ZNF133: variants seen among roughly 807,000 people sequenced by gnomAD.
The protein encoded by ZNF133 is zinc finger protein 133, also known as zinc finger protein 133 (clone pHZ-13).
Under a neutral mutation model 54.9 loss-of-function variants are expected in ZNF133, and 26 were observed. That is an observed-to-expected ratio of 0.47 (90% CI 0.35 to 0.66). The LOEUF is 0.66. Among genes scored for constraint, ZNF133 ranks in the 30% least tolerant of loss-of-function variants. The pLI, the probability that ZNF133 is intolerant of heterozygous loss-of-function variation, is 0.01. For missense variants in ZNF133, 653 were observed against 820.8 expected, an observed-to-expected ratio of 0.80 and a Z score of 2.50; for synonymous variants, 298 against 320.3, an observed-to-expected ratio of 0.93 and a Z score of 0.74.
intron 6 of ZNF133, chr20:18,306,953 A>G (rs2044765712): frequency 5.8e-6 from 1 of 173,870 alleles, no homozygotes; most frequent in Non-Finnish European, 1.1e-5. Flanking sequence ...CCCATGCTCT[A>G]AGGGAGTACA....
Position 18,305,595 on chromosome 20 carries a change from C to A in ZNF133, c.-6-86C>A. ...TGGGATCTTGATATCTCACCTGCCT[C>A]CCCCAGGGCAGCCTTATCCCTGCCC... On this transcript the variant is annotated intron_variant, in intron 4 of 6. Transcript: ENST00000425686. This position sits in a 1 kb window ranked among gnomAD's most constrained non-coding sequence, Gnocchi z 4.7. The A allele has an allele frequency of 1.3e-6, 2 of 1,592,720 alleles. No homozygotes were observed. Among genetic ancestry groups the A allele is most frequent in the Non-Finnish European group, 1.7e-6 (2 of 1,168,674 alleles).
rs757309612 is a variant in ZNF133, at chr20:18,298,022, A to G, written c.-394A>G. The G allele has an allele frequency of 4.6e-6, 7 of 1,535,432 alleles. No individual in the cohort carries two copies. The South Asian group carries it at 8.3e-5, about 18-fold the overall frequency. On this transcript the variant is annotated 5_prime_UTR_variant, in exon 2 of 7. The change creates a new upstream start codon in the 5' untranslated region. Transcript: ENST00000425686. ...AGATATCATCCTTCTTCAGGGAGAT[A>G]AGGAAAAAAAGCCACAGGGTCCCGG...
intron 3 of ZNF133, among the ~76,000 whole-genome samples, chr20:18,303,049 A>T (rs972195573): frequency 9.8e-5 from 14 of 142,716 alleles, no homozygotes; most frequent in East Asian, 2.0e-4. Flanking sequence ...CTGGAAAACT[A>T]TTTTTTTTTT....
At chr20:18,308,072 C>T (rs1489897230) in intron 6 of ZNF133, among the ~76,000 whole-genome samples, 1 of 152,078 alleles carries the variant, frequency 6.6e-6, no homozygotes, top group Non-Finnish European at 1.5e-5. Flanking sequence ...TTTACCATTA[C>T]TAGTGGTTAC....
At chr20:18,302,032 C>T (rs1043053255) in intron 3 of ZNF133, among the ~76,000 whole-genome samples, 2 of 152,048 alleles carry the variant, frequency 1.3e-5, no homozygotes, top group African/African-American at 4.8e-5. Flanking sequence ...ATTCAACAAG[C>T]GTTTGAAAAG....
chr20:18,298,366 A>G lies in ZNF133; in HGVS notation c.-276A>G. 3.2e-6 allele frequency: 4 copies of G among 1,242,622 alleles called. No homozygotes were observed. The highest frequency in any genetic ancestry group is 4.1e-6 in the Non-Finnish European group (4 of 986,596). 77.0% of individuals were successfully genotyped at this position (1,242,622 alleles called of 1,614,324 possible). On this transcript the variant is annotated 5_prime_UTR_variant, in exon 3 of 7. Transcript: ENST00000425686. ...TTCTGGAATCTGTGTCCCCACCTAGACAACGATTATACTGGCAGGATCTAT... is the reference window on the plus strand; with the variant it reads ...TTCTGGAATCTGTGTCCCCACCTAGGCAACGATTATACTGGCAGGATCTAT...
In ZNF133 at chr20:18,316,500, A is replaced by G. The variant is rs747729538; in HGVS notation, c.1649A>G (p.Tyr550Cys). ...CGGAAGCACTCGAGGGAGAAGCCCT[A>G]CATGTGCAGGCAGTGTGGACTGGGC... is the stretch of plus-strand genomic sequence containing the variant. ...HKRKHSREKP[Y>C]MCRQCGLGFG... The change falls in exon 7 of 7, where the codon TAC (tyrosine) becomes TGC (cysteine). Residue 550 changes from tyrosine (Y) to cysteine (C), a missense_variant. Tyr to Cys is a radical substitution (Grantham distance 194, BLOSUM62 -2). Around this residue, in one of 4 missense-constraint regions of ZNF133, gnomAD observed 129 missense variants for 138.5 expected, o/e 0.93. Transcript: ENST00000425686. 3 of 1,614,224 alleles carry G rather than the reference A, an allele frequency of 1.9e-6. No homozygotes were observed. Among genetic ancestry groups the G allele is most frequent in the Non-Finnish European group, 2.5e-6 (3 of 1,180,044 alleles).
intron 1 of ZNF133, among the ~76,000 whole-genome samples, chr20:18,289,185 C>G (rs1444065619): frequency 2.0e-5 from 3 of 152,060 alleles, no homozygotes; most frequent in Non-Finnish European, 4.4e-5. Context: ...TTGCCGCGAT[C>G]TTAGGGTTTC....
At chr20:18,306,564 T>G (rs1758997436) in intron 6 of ZNF133, 171 bp downstream of exon 6, 5 of 861,714 alleles carry the variant, frequency 5.8e-6, no homozygotes, top group South Asian at 5.5e-5. Flanking sequence ...TTCATTCGAG[T>G]ATGGACGGGG....
intron 3 of ZNF133, among the ~76,000 whole-genome samples, chr20:18,299,619 G>T (rs1007712540): frequency 3.9e-5 from 6 of 152,050 alleles, no homozygotes; most frequent in Non-Finnish European, 8.8e-5. Context: ...AACCTCAAAA[G>T]GACTCACACT....
intron 6 of ZNF133, among the ~76,000 whole-genome samples, chr20:18,312,415 T>C (rs2046279002): frequency 6.6e-6 from 1 of 152,254 alleles, no homozygotes; most frequent in African/African-American, 2.4e-5. Context: ...ATGTTATGTT[T>C]ACACTGATAA....
chr20:18,300,125 T>A (rs894230208), intron 3 of ZNF133, among the ~76,000 whole-genome samples: 42 of 151,300 alleles, frequency 2.8e-4, no homozygotes, highest in African/African-American at 9.9e-4. Context: ...CTACTGCATT[T>A]AAAAAAAAAT....
Position 18,316,747 on chromosome 20 carries a change from C to T in ZNF133, c.1896C>T (p.His632=). Residue 632 remains histidine, a synonymous_variant, in exon 7 of 7, where the codon CAC becomes CAT. Coordinates refer to ENST00000425686, the MANE Select transcript of ZNF133 (RefSeq NM_001352452.2). ...SRHRKTTSVH[H]RLPVQPDPEP... ...ACAGGAAGACCACGTCTGTCCACCA[C>T]AGACTGCCAGTGCAGCCCGACCCTG... 1 of 1,614,232 alleles carries T rather than the reference C, an allele frequency of 6.2e-7. No homozygotes were observed. The highest frequency in any genetic ancestry group is 2.2e-5 in the East Asian group (1 of 44,882).
chr20:18,291,456 G>A (rs1044335293), intron 1 of ZNF133, among the ~76,000 whole-genome samples: 6 of 152,040 alleles, frequency 3.9e-5, no homozygotes, highest in African/African-American at 1.4e-4. Flanking sequence ...GGTCTTCCTG[G>A]TTTTCCTCCT....
At chr20:18,290,466 C>T (rs956341879) in intron 1 of ZNF133, among the ~76,000 whole-genome samples, 14 of 152,198 alleles carry the variant, frequency 9.2e-5, no homozygotes, top group Admixed American at 7.9e-4. Flanking sequence ...GCATCTCTAA[C>T]ACATAAGGAC....
At chr20:18,290,719 C>A (rs574503354) in intron 1 of ZNF133, among the ~76,000 whole-genome samples, 6 of 152,250 alleles carry the variant, frequency 3.9e-5, no homozygotes, top group African/African-American at 1.4e-4. Flanking sequence ...TGCCTCATTT[C>A]TCCTCCTATT....
chr20:18,315,851 G>C lies in ZNF133; in HGVS notation c.1000G>C (p.Gly334Arg). The C allele has an allele frequency of 3.7e-6, 6 of 1,612,608 alleles. No homozygotes were observed. The highest frequency in any genetic ancestry group is 5.1e-6 in the Non-Finnish European group (6 of 1,179,242). The stretch of plus-strand genomic sequence containing the variant: ...TTACGTGTGCCGGGAATGTGGCAAA[G>C]GCTTCAGCCAGAAGTCAGCTGTCGT... The part of the protein sequence containing the change: ...KPYVCRECGK[G>R]FSQKSAVVRH... The change falls in exon 7 of 7, where the codon GGC becomes CGC. Residue 334 changes from glycine to arginine, a missense_variant. This residue lies in a region of ZNF133 where 292 missense variants were observed against 431.6 expected (regional missense o/e 0.68). Transcript: ENST00000425686.
At chr20:18,314,119 C>T (rs1179494121) in intron 6 of ZNF133, 1 of 152,182 alleles carries the variant, frequency 6.6e-6, no homozygotes, top group African/African-American at 2.4e-5. Flanking sequence ...TGAAAAGTAG[C>T]ATTTCGCGTA....
intron 1 of ZNF133, chr20:18,295,452 A>G (rs765848675): frequency 1.3e-5 from 2 of 152,226 alleles, no homozygotes; most frequent in Non-Finnish European, 2.9e-5. Context: ...CCTCACATCC[A>G]TGTCACTTCT....
Sources: allele counts gnomAD v4.1 joint callset (sites outside exome capture counted in the v4.1 genomes callset), GRCh38; gene constraint gnomAD v4.1.1; regional missense constraint gnomAD v4.1.1; non-coding constraint Gnocchi (gnomAD v3.1); transcripts MANE v1.5; gene names NCBI Gene and HGNC (gene_info 2026-07-23, HGNC 2026-07-21).